SV2B: variants seen among roughly 807,000 people sequenced by gnomAD.
SV2B encodes solute carrier family 22 member B2.
A neutral mutation model predicts 73.9 loss-of-function variants in SV2B; 41 were observed. The observed-to-expected ratio is 0.56, with a 90% confidence interval of 0.43 to 0.72. SV2B has a LOEUF of 0.72. Among genes scored for constraint, SV2B ranks in the 30% least tolerant of loss-of-function variants. SV2B has a pLI of 0.00. For synonymous variants in SV2B, 314 were observed against 314.2 expected, an observed-to-expected ratio of 1.00 and a Z score of 0.01; for missense variants, 764 against 857.8, an observed-to-expected ratio of 0.89 and a Z score of 1.37.
chr15:91,162,293 A>G (rs1423486889), intron 1 of SV2B, among the ~76,000 whole-genome samples: 1 of 152,164 alleles, frequency 6.6e-6, no homozygotes, highest in Non-Finnish European at 1.5e-5. Context: ...TTGCATAAAG[A>G]TGTTTGTTGA....
rs2016687 is a variant in SV2B, at chr15:91,296,958, T to C, written c.*4406T>C. ...TGGGAGCACGCTCATTCTGCCCGAT[T>C]GTTGGGAGCACGCTCCTTCTGCCCG... On this transcript the variant is annotated 3_prime_UTR_variant, in exon 13 of 13. Coordinates refer to ENST00000394232, the MANE Select transcript of SV2B (RefSeq NM_001323032.3). 6,355 of 117,052 alleles carry C rather than the reference T, an allele frequency of 0.054. 762 individuals carry two copies. The highest frequency in any genetic ancestry group is 0.18 in the African/African-American group (5,000 of 27,242). The allele number at this position is 117,052 out of a possible 1,614,324, so 7.3% of individuals were successfully genotyped here.
intron 1 of SV2B, among the ~76,000 whole-genome samples, chr15:91,116,214 C>T (rs988654197): frequency 7.9e-5 from 12 of 152,138 alleles, no homozygotes; most frequent in Non-Finnish European, 1.2e-4. Flanking sequence ...AAATCCATCT[C>T]GGTGTCAAAC....
Position 91,121,587 on chromosome 15 carries a change from C to T in SV2B, c.-392+21224C>T, listed in dbSNP as rs988705312. Among the ~76,000 whole-genome samples the T allele has an allele frequency of 3.3e-5, 5 of 151,742 alleles. No individual in the cohort carries two copies. Among genetic ancestry groups the T allele is most frequent in the African/African-American group, 1.2e-4 (5 of 41,256 alleles). On this transcript the variant is annotated intron_variant, in intron 1 of 12. Coordinates refer to ENST00000394232, the MANE Select transcript of SV2B (RefSeq NM_001323032.3). This position sits in a 1 kb window ranked among gnomAD's most constrained non-coding sequence, Gnocchi z 4.4. ...AAGGTAGACTTGACATGTGGGCAAA[C>T]CGAGCAGGGCACCCATTAGCTGGAA...
chr15:91,164,773 A>C lies in SV2B; in HGVS notation c.-391-61100A>C, dbSNP rs1470065911. ...ATTTTATATTTCTATATAGATGAGT[A>C]TGTTTACACACATATAGATATGCTG... On this transcript the variant is annotated intron_variant, in intron 1 of 12. Transcript: ENST00000394232. 3.3e-5 allele frequency among the ~76,000 whole-genome samples: 5 copies of C among 152,330 alleles called. No homozygotes were observed. In the East Asian group the frequency reaches 9.6e-4, roughly 29 times the overall value.
chr15:91,260,705 C>A lies in SV2B; in HGVS notation c.1008+296C>A, dbSNP rs184400855. Reference sequence around the variant, plus strand: ...TTCATGCTGCTGATAAAGACATACCCGAGACTGGGAAGAAAAAGAAGTTTA... The same window carrying A: ...TTCATGCTGCTGATAAAGACATACCAGAGACTGGGAAGAAAAAGAAGTTTA... On this transcript the variant is annotated intron_variant, in intron 6 of 12. Coordinates refer to ENST00000394232, the MANE Select transcript of SV2B (RefSeq NM_001323032.3). Among the ~76,000 whole-genome samples, 468 of 152,140 alleles carry A rather than the reference C, an allele frequency of 3.1e-3. 1 individual carries two copies. Among genetic ancestry groups the A allele is most frequent in the African/African-American group, 0.011 (450 of 41,510 alleles).
At position 91,205,557 on chromosome 15, in the gene SV2B, G is replaced by T. The variant is rs1424378788; in HGVS notation, c.-391-20316G>T. Among the ~76,000 whole-genome samples the T allele has an allele frequency of 3.9e-5, 6 of 151,924 alleles. No individual in the cohort carries two copies. In the East Asian group the frequency reaches 1.2e-3, roughly 29 times the overall value. ...ATATTTGTATTTTTAGTAGAGATGG[G>T]GTTTCATCATGTTGGCCAGACTGGT... On this transcript the variant is annotated intron_variant, in intron 1 of 12. Coordinates refer to ENST00000394232, the MANE Select transcript of SV2B (RefSeq NM_001323032.3).
chr15:91,279,143 G>A (rs1469644042), intron 9 of SV2B, among the ~76,000 whole-genome samples: 2 of 152,104 alleles, frequency 1.3e-5, no homozygotes. Flanking sequence ...TTACCCAACT[G>A]GATCACAAGT....
Position 91,298,331 on chromosome 15 carries a change from C to G in SV2B, c.*5779C>G, listed in dbSNP as rs1175993787. ...TGCATGTAGCTGTGTCGCATTTAGG[C>G]CCAGCTCTAAGAACCGTTTGGAAAT... On this transcript the variant is annotated 3_prime_UTR_variant, in exon 13 of 13. Transcript: ENST00000394232. This position sits in a 1 kb window ranked among gnomAD's most constrained non-coding sequence, Gnocchi z 5.4. 1 of 152,182 alleles carries G rather than the reference C, an allele frequency of 6.6e-6. No homozygotes were observed. The highest frequency in any genetic ancestry group is 1.5e-5 in the Non-Finnish European group (1 of 68,044). The allele number at this position is 152,182 out of a possible 1,614,324, so 9.4% of individuals were successfully genotyped here.
rs2041703426 is a variant in SV2B at position 91,100,866 on chromosome 15, C to T, written c.-392+503C>T. Among the ~76,000 whole-genome samples, 1 of 152,100 alleles carries T rather than the reference C, an allele frequency of 6.6e-6. No homozygotes were observed. The highest frequency in any genetic ancestry group is 1.5e-5 in the Non-Finnish European group (1 of 68,028). Reference sequence around the variant, plus strand: ...GGGCGCCCTCCGTGGGCGTGGGAGCCGTTTCTTAGGGACACAGAAGGATTT... The same window carrying T: ...GGGCGCCCTCCGTGGGCGTGGGAGCTGTTTCTTAGGGACACAGAAGGATTT... On this transcript the variant is annotated intron_variant, in intron 1 of 12. Transcript: ENST00000394232. The surrounding 1 kb of genome is among the most constrained non-coding windows in gnomAD (Gnocchi z 6.4).
chr15:91,123,049 T>C lies in SV2B; in HGVS notation c.-392+22686T>C, dbSNP rs552561294. Among the ~76,000 whole-genome samples the C allele has an allele frequency of 6.6e-6, 1 of 151,836 alleles. No homozygotes were observed. The highest frequency in any genetic ancestry group is 1.5e-5 in the Non-Finnish European group (1 of 67,946). On this transcript the variant is annotated intron_variant, in intron 1 of 12. Coordinates refer to ENST00000394232, the MANE Select transcript of SV2B (RefSeq NM_001323032.3). This position sits in a 1 kb window ranked among gnomAD's most constrained non-coding sequence, Gnocchi z 4.7. Reference sequence around the variant, plus strand: ...ACTTTGGGAGGCTGAGGTGGGAGGATCACTTGAGCTCAGGAGTTTGAGACC... The same window carrying C: ...ACTTTGGGAGGCTGAGGTGGGAGGACCACTTGAGCTCAGGAGTTTGAGACC...
intron 1 of SV2B, among the ~76,000 whole-genome samples, chr15:91,133,819 G>A (rs2042730252): frequency 6.6e-6 from 1 of 152,016 alleles, no homozygotes; most frequent in African/African-American, 2.4e-5. Flanking sequence ...CCAGGTATGC[G>A]ATCCATGAGA....
chr15:91,124,212 AG>A lies in SV2B; in HGVS notation c.-392+23852del, dbSNP rs754340611. Among the ~76,000 whole-genome samples, 90 of 152,168 alleles carry A rather than the reference AG, an allele frequency of 5.9e-4. 1 individual carries two copies. The highest frequency in any genetic ancestry group is 1.6e-4 in the Non-Finnish European group (11 of 68,014). On this transcript the variant is annotated intron_variant, in intron 1 of 12. Transcript: ENST00000394232. This position sits in a 1 kb window ranked among gnomAD's most constrained non-coding sequence, Gnocchi z 4.6. ...GGATTTAAATGAATGTTCCAGCCTC[AG>A]GGCCCATCTGTTCATGCTATTTATT...
In SV2B at chr15:91,123,008, C is replaced by T. The variant is rs72764719; in HGVS notation, c.-392+22645C>T. ...ATTGCTGGTCAGGTGTGCTGACTCACTCCTGTAATCCCAACACTTTGGGAG... is the reference window on the plus strand; with the variant it reads ...ATTGCTGGTCAGGTGTGCTGACTCATTCCTGTAATCCCAACACTTTGGGAG... On this transcript the variant is annotated intron_variant, in intron 1 of 12. Coordinates refer to ENST00000394232, the MANE Select transcript of SV2B (RefSeq NM_001323032.3). The surrounding 1 kb of genome is among the most constrained non-coding windows in gnomAD (Gnocchi z 4.7). Among the ~76,000 whole-genome samples the T allele has an allele frequency of 0.31, 47,677 of 152,166 alleles. 8,734 individuals are homozygous for T. Among genetic ancestry groups the T allele is most frequent in the Non-Finnish European group, 0.42 (28,231 of 67,990 alleles).
chr15:91,252,556 T>G lies in SV2B; in HGVS notation c.784+36T>G. Reference sequence around the variant, plus strand: ...GCTCCAAACAGCCTAGGGGGCCCTGTTTCTATGGCTCCTGCACCCAAACAA... The same window carrying G: ...GCTCCAAACAGCCTAGGGGGCCCTGGTTCTATGGCTCCTGCACCCAAACAA... On this transcript the variant is annotated intron_variant, in intron 4 of 12. Transcript: ENST00000394232. This position sits in a 1 kb window ranked among gnomAD's most constrained non-coding sequence, Gnocchi z 4.6. 6.5e-7 allele frequency: 1 copy of G among 1,547,834 alleles called. No individual in the cohort carries two copies. The highest frequency in any genetic ancestry group is 8.7e-7 in the Non-Finnish European group (1 of 1,146,278).
At chr15:91,170,253 C>T (rs1041958624) in intron 1 of SV2B, among the ~76,000 whole-genome samples, 1 of 152,030 alleles carries the variant, frequency 6.6e-6, no homozygotes, top group Non-Finnish European at 1.5e-5. Flanking sequence ...ATTACCTCCG[C>T]AGTCTTATTA....
intron 1 of SV2B, among the ~76,000 whole-genome samples, chr15:91,146,131 C>T (rs766993664): frequency 1.3e-5 from 2 of 152,158 alleles, no homozygotes; most frequent in Non-Finnish European, 2.9e-5. Flanking sequence ...ACATTTACAT[C>T]TTTAATACAC....
At position 91,229,981 on chromosome 15, in the gene SV2B, C is replaced by CT. The variant is rs2046513240; in HGVS notation, c.451+3268dup. ...TCTGGTTGGGTGTGGTGGCCCATGC[C>CT]TGTAATCCCAGTGCTTTGGGAGGCT... On this transcript the variant is annotated intron_variant, in intron 2 of 12. Transcript: ENST00000394232. The surrounding 1 kb of genome is among the most constrained non-coding windows in gnomAD (Gnocchi z 4.3). Among the ~76,000 whole-genome samples, 1 of 152,214 alleles carries CT rather than the reference C, an allele frequency of 6.6e-6. No homozygotes were observed. The highest frequency in any genetic ancestry group is 1.5e-5 in the Non-Finnish European group (1 of 68,040).
intron 1 of SV2B, among the ~76,000 whole-genome samples, chr15:91,190,930 G>T (rs1201206567): frequency 6.6e-6 from 1 of 151,630 alleles, no homozygotes; most frequent in African/African-American, 2.4e-5. Flanking sequence ...TTTTGTTCAT[G>T]ATCATTATAG....
rs376714363 is a variant in SV2B, at chr15:91,277,848, C to CT, written c.1374-3875dup. On this transcript the variant is annotated intron_variant, in intron 9 of 12. Transcript: ENST00000394232. ...TAATGTTTATATCCTTATTATTTCC[C>CT]TTTTTGTTCTATGTTCTATGCTTCA... Among the ~76,000 whole-genome samples, 347 of 152,104 alleles carry CT rather than the reference C, an allele frequency of 2.3e-3. 1 individual carries two copies. The highest frequency in any genetic ancestry group is 6.5e-3 in the African/African-American group (268 of 41,484).
Sources: gnomAD v4.1 joint callset for allele counts (sites outside exome capture counted in the v4.1 genomes callset) on GRCh38, gnomAD v4.1.1 for gene constraint, Gnocchi (gnomAD v3.1) non-coding constraint, MANE v1.5 for transcripts, NCBI Gene and HGNC (gene_info 2026-07-23, HGNC 2026-07-21) for gene names.